The following TBC1D22A variants were observed in gnomAD, a reference collection of about 807,000 sequenced individuals.
The protein encoded by TBC1D22A is TBC1 domain family member 22A, also known as putative GTPase activator.
TBC1D22A carries 38 observed loss-of-function variants against 60.2 expected under a neutral mutation model. The ratio of observed to expected loss-of-function variants is 0.63; its 90% CI spans 0.49 to 0.83. TBC1D22A has a LOEUF of 0.83. TBC1D22A is among the 40% of genes least tolerant of loss of function. The probability of loss-of-function intolerance (pLI) is 0.00; values close to 1 mark genes in which losing one functional copy is unlikely to be tolerated. For missense variants in TBC1D22A, 628 were observed against 701.0 expected, an observed-to-expected ratio of 0.90 and a Z score of 1.18; for synonymous variants, 302 against 281.7, an observed-to-expected ratio of 1.07 and a Z score of -0.72.
chr22:47,032,831 T>C (rs1033216169), intron 10 of TBC1D22A, among the ~76,000 whole-genome samples: 1 of 152,192 alleles, frequency 6.6e-6, no homozygotes, highest in African/African-American at 2.4e-5. Flanking sequence ...CACGCAGAGC[T>C]GTGGGCTGGG....
intron 1 of TBC1D22A, among the ~76,000 whole-genome samples, chr22:46,782,304 C>G (rs62233783): frequency 3.3e-5 from 5 of 152,166 alleles, no homozygotes; most frequent in African/African-American, 1.2e-4. Flanking sequence ...CTGCCTGCCT[C>G]GGCCTCTCAA....
intron 10 of TBC1D22A, among the ~76,000 whole-genome samples, chr22:47,004,012 C>T (rs563641181): frequency 1.6e-3 from 232 of 148,270 alleles, no homozygotes; most frequent in African/African-American, 5.3e-3. Context: ...ACCCTACGCA[C>T]GCATGCCTGT....
At chr22:46,829,048 C>T (rs532093660) in intron 4 of TBC1D22A, among the ~76,000 whole-genome samples, 1 of 152,174 alleles carries the variant, frequency 6.6e-6, no homozygotes, top group Non-Finnish European at 1.5e-5. Context: ...AGATGTGTCC[C>T]CCACCCCCTC....
At chr22:46,847,557 CTGCCCCACTG>C (rs1158390927) in intron 4 of TBC1D22A, among the ~76,000 whole-genome samples, 1 of 152,228 alleles carries the variant, frequency 6.6e-6, no homozygotes, top group African/African-American at 2.4e-5. Context: ...CACGCTCCTC[CTGCCCCACTG>C]TGTGGACGTG....
chr22:46,875,794 A>C (rs1465676559), intron 4 of TBC1D22A, among the ~76,000 whole-genome samples: 1 of 152,228 alleles, frequency 6.6e-6, no homozygotes, highest in African/African-American at 2.4e-5. Flanking sequence ...TGATTTCAAA[A>C]TATCACGCCC....
intron 6 of TBC1D22A, among the ~76,000 whole-genome samples, chr22:46,893,916 A>G (rs972361171): frequency 6.6e-6 from 1 of 152,240 alleles, no homozygotes; most frequent in Non-Finnish European, 1.5e-5. Context: ...TACTTGGAGC[A>G]GGCATTTTGT....
At chr22:47,022,499 A>G (rs2062124436) in intron 10 of TBC1D22A, among the ~76,000 whole-genome samples, 1 of 151,858 alleles carries the variant, frequency 6.6e-6, no homozygotes, top group Non-Finnish European at 1.5e-5. Flanking sequence ...AGGCTGGGAG[A>G]GGAGAAAGCA....
chr22:47,024,467 C>T (rs961511954), intron 10 of TBC1D22A, among the ~76,000 whole-genome samples: 2 of 152,094 alleles, frequency 1.3e-5, no homozygotes, highest in Non-Finnish European at 1.5e-5. Flanking sequence ...GTCCTTCACT[C>T]GAGGGTTCTT....
intron 8 of TBC1D22A, among the ~76,000 whole-genome samples, chr22:46,965,333 G>T (rs532620943): frequency 6.6e-6 from 1 of 152,332 alleles, no homozygotes; most frequent in South Asian, 2.1e-4. Flanking sequence ...TTGTTACGGG[G>T]CCTTGTCTTG....
At chr22:47,135,930 C>G (rs2066852643) in intron 12 of TBC1D22A, among the ~76,000 whole-genome samples, 1 of 152,304 alleles carries the variant, frequency 6.6e-6, no homozygotes, top group Non-Finnish European at 1.5e-5. Flanking sequence ...GCCAGGACCA[C>G]CCGGACACAC....
rs1234501531 is a variant in TBC1D22A, at chr22:47,009,505, CCACCATCATCTTCACCAT to C, written c.1201+11807_1201+11824del. 6.8e-6 allele frequency among the ~76,000 whole-genome samples: 1 copy of C among 148,000 alleles called. No individual in the cohort carries two copies. The highest frequency in any genetic ancestry group is 1.5e-5 in the Non-Finnish European group (1 of 67,078). On this transcript the variant is annotated intron_variant, in intron 10 of 12. Coordinates refer to ENST00000337137, the MANE Select transcript of TBC1D22A (RefSeq NM_014346.5). The surrounding 1 kb of genome is among the most constrained non-coding windows in gnomAD (Gnocchi z 5.8). ...CACCATCATTTCATCACCATCATCA[CCACCATCATCTTCACCAT>C]CACCATCATCATCATTGCCATCATC...
intron 11 of TBC1D22A, among the ~76,000 whole-genome samples, chr22:47,042,814 C>T (rs1299775053): frequency 6.6e-6 from 1 of 152,250 alleles, no homozygotes; most frequent in Non-Finnish European, 1.5e-5. Flanking sequence ...CATCATGGCA[C>T]CTGATCCTTG....
chr22:47,154,936 C>T (rs994317723), intron 12 of TBC1D22A, among the ~76,000 whole-genome samples: 4 of 152,190 alleles, frequency 2.6e-5, no homozygotes, highest in East Asian at 1.9e-4. Context: ...TAGAAGTGGG[C>T]GTCCTTCCCT....
intron 4 of TBC1D22A, among the ~76,000 whole-genome samples, chr22:46,836,523 A>C (rs1380615039): frequency 1.4e-5 from 2 of 145,988 alleles, no homozygotes; most frequent in Non-Finnish European, 3.0e-5. Flanking sequence ...ATGCTATTAC[A>C]AAAAAAAAAT....
intron 1 of TBC1D22A, among the ~76,000 whole-genome samples, chr22:46,784,731 G>A (rs987406189): frequency 5.9e-5 from 9 of 152,164 alleles, no homozygotes; most frequent in African/African-American, 2.2e-4. Flanking sequence ...GAGATACATT[G>A]GGAAATGATA....
chr22:47,109,211 C>T (rs890638035), intron 11 of TBC1D22A, among the ~76,000 whole-genome samples: 2 of 152,092 alleles, frequency 1.3e-5, no homozygotes, highest in Non-Finnish European at 2.9e-5. Context: ...TTGTATGCTC[C>T]TGATAACATA....
At chr22:47,088,929 G>C (rs2064807252) in intron 11 of TBC1D22A, among the ~76,000 whole-genome samples, 1 of 152,186 alleles carries the variant, frequency 6.6e-6, no homozygotes, top group South Asian at 2.1e-4. Context: ...CCAGCCTTTA[G>C]ACCGCAGTCC....
chr22:47,163,325 C>G (rs987648878), intron 12 of TBC1D22A, among the ~76,000 whole-genome samples: 1 of 152,242 alleles, frequency 6.6e-6, no homozygotes, highest in African/African-American at 2.4e-5. Flanking sequence ...CTCTGGGGAC[C>G]CCATTTGTCT....
rs535871278 is a variant in TBC1D22A, at chr22:46,861,660, G to A, written c.638-16993G>A. ...GGCCAGAATTGCGCACCTCCCAGGA[G>A]GGGGAGGAGGGCGGCTGTTGCCCTC... On this transcript the variant is annotated intron_variant, in intron 4 of 12. Coordinates refer to ENST00000337137, the MANE Select transcript of TBC1D22A (RefSeq NM_014346.5). Among the ~76,000 whole-genome samples the A allele has an allele frequency of 3.3e-5, 5 of 152,352 alleles. No individual in the cohort carries two copies. In the South Asian group the frequency reaches 1.0e-3, roughly 32 times the overall value.
Sources: gnomAD v4.1 joint callset for allele counts (sites outside exome capture counted in the v4.1 genomes callset) on GRCh38, gnomAD v4.1.1 for gene constraint, Gnocchi (gnomAD v3.1) non-coding constraint, MANE v1.5 for transcripts, NCBI Gene and HGNC (gene_info 2026-07-23, HGNC 2026-07-21) for gene names.